STK10: variants seen among roughly 807,000 people sequenced by gnomAD.
STK10 encodes serine/threonine kinase 10.
A neutral mutation model predicts 113.8 loss-of-function variants in STK10; 78 were observed. The observed-to-expected ratio is 0.69, with a 90% CI of 0.57 to 0.83. STK10 has a LOEUF of 0.83. Among genes scored for constraint, STK10 ranks in the 40% least tolerant of loss-of-function variants. STK10 has a pLI of 0.00. For missense variants in STK10, 1,109 were observed against 1,280.1 expected, an observed-to-expected ratio of 0.87 and a Z score of 2.04; for synonymous variants, 465 against 494.7, an observed-to-expected ratio of 0.94 and a Z score of 0.80.
intron 1 of STK10, among the ~76,000 whole-genome samples, chr5:172,165,887 G>A (rs895330051): frequency 6.6e-6 from 1 of 151,686 alleles, no homozygotes; most frequent in Non-Finnish European, 1.5e-5. Flanking sequence ...TCCACCTCCC[G>A]GATTCAAGTG....
chr5:172,148,768 C>T (rs1770142741), intron 2 of STK10, among the ~76,000 whole-genome samples: 1 of 152,236 alleles, frequency 6.6e-6, no homozygotes, highest in Non-Finnish European at 1.5e-5. Context: ...TTCCAGGGGG[C>T]AGGAGAGAAG....
intron 3 of STK10, among the ~76,000 whole-genome samples, chr5:172,124,504 C>T (rs1343010809): frequency 6.6e-6 from 1 of 152,156 alleles, no homozygotes; most frequent in East Asian, 1.9e-4. Flanking sequence ...ATAACATGTG[C>T]CATGTATCCT....
chr5:172,043,074 G>A lies in STK10; in HGVS notation c.*1808C>T, dbSNP rs2113672751. ...AGATCAGCTTGGGCAACATATTAGA[G>A]ACCCTGTCTCAAAGAATTTTTTTTT... On this transcript the variant is annotated 3_prime_UTR_variant, in exon 19 of 19. Transcript: ENST00000176763. 1 of 151,662 alleles carries A rather than the reference G, an allele frequency of 6.6e-6. No individual in the cohort carries two copies. The highest frequency in any genetic ancestry group is 2.1e-4 in the South Asian group (1 of 4,812). The allele number at this position is 151,662 out of a possible 1,614,324, so 9.4% of individuals were successfully genotyped here.
rs576287363 is a variant in STK10 at position 172,143,219 on chromosome 5, A to G, written c.321+13405T>C. On this transcript the variant is annotated intron_variant, in intron 2 of 18. Coordinates refer to ENST00000176763, the MANE Select transcript of STK10 (RefSeq NM_005990.4). Reference sequence around the variant, plus strand: ...TGTCTCTAGTAAAAATACAAAAGTCAGCCAGGTGTGGTGGCACATGTCTAT... The same window carrying G: ...TGTCTCTAGTAAAAATACAAAAGTCGGCCAGGTGTGGTGGCACATGTCTAT... Among the ~76,000 whole-genome samples, 89 of 152,312 alleles carry G rather than the reference A, an allele frequency of 5.8e-4. 1 individual carries two copies. The highest frequency in any genetic ancestry group is 1.9e-3 in the African/African-American group (77 of 41,570).
At chr5:172,067,408 A>G (rs879427504) in intron 12 of STK10, among the ~76,000 whole-genome samples, 15 of 149,466 alleles carry the variant, frequency 1.0e-4, no homozygotes, top group South Asian at 2.1e-4. Context: ...TAAATAAATA[A>G]ATAGAATAAA....
rs144976523 is a variant in STK10, at chr5:172,133,867, C to T, written c.322-6446G>A. Among the ~76,000 whole-genome samples, 2,039 of 152,334 alleles carry T rather than the reference C, an allele frequency of 0.013. 104 individuals carry two copies. Among genetic ancestry groups the T allele is most frequent in the Admixed American group, 0.087 (1,325 of 15,290 alleles). On this transcript the variant is annotated intron_variant, in intron 2 of 18. Coordinates refer to ENST00000176763, the MANE Select transcript of STK10 (RefSeq NM_005990.4). The surrounding 1 kb of genome is among the most constrained non-coding windows in gnomAD (Gnocchi z 4.9). ...GCAGGAGATGATGAGTAACCACACTCTCCAGGTGGCAGACTCCAGGTTGTA... is the reference window on the plus strand; with the variant it reads ...GCAGGAGATGATGAGTAACCACACTTTCCAGGTGGCAGACTCCAGGTTGTA...
At chr5:172,087,166 T>C (rs1256550894) in intron 10 of STK10, among the ~76,000 whole-genome samples, 1 of 134,996 alleles carries the variant, frequency 7.4e-6, no homozygotes, top group Admixed American at 7.1e-5. Context: ...TGTATGCAGA[T>C]ACACTAGTGA....
intron 1 of STK10, among the ~76,000 whole-genome samples, chr5:172,158,069 G>C (rs995639429): frequency 6.6e-6 from 1 of 151,916 alleles, no homozygotes; most frequent in Non-Finnish European, 1.5e-5. Context: ...GGAATAAGAG[G>C]GTAAGAAAAC....
chr5:172,074,827 T>C (rs565790068), intron 12 of STK10, among the ~76,000 whole-genome samples: 1 of 152,274 alleles, frequency 6.6e-6, no homozygotes, highest in African/African-American at 2.4e-5. Context: ...AAGGCCAGCC[T>C]GGCCAACATG....
At chr5:172,048,935 C>G (rs1308216075) in intron 18 of STK10, among the ~76,000 whole-genome samples, 1 of 152,062 alleles carries the variant, frequency 6.6e-6, no homozygotes, top group East Asian at 1.9e-4. Flanking sequence ...CGGGCCTTTG[C>G]AGTTGCTCTT....
At chr5:172,186,543 G>C (rs1163299370) in intron 1 of STK10, among the ~76,000 whole-genome samples, 1 of 151,818 alleles carries the variant, frequency 6.6e-6, no homozygotes, top group African/African-American at 2.4e-5. Flanking sequence ...AATTGCTTGA[G>C]CCCAGGAGGC....
Position 172,150,329 on chromosome 5 carries a change from A to G in STK10, c.321+6295T>C, listed in dbSNP as rs182606832. 3.3e-3 allele frequency among the ~76,000 whole-genome samples: 499 copies of G among 151,544 alleles called. 4 individuals carry two copies. Among genetic ancestry groups the G allele is most frequent in the Non-Finnish European group, 2.6e-3 (174 of 67,818 alleles). Reference sequence around the variant, plus strand: ...AACCCCGTCTCTACTAAAAATACAAAAATTAGCCGGGTGTGGTGGTGCATG... The same window carrying G: ...AACCCCGTCTCTACTAAAAATACAAGAATTAGCCGGGTGTGGTGGTGCATG... On this transcript the variant is annotated intron_variant, in intron 2 of 18. Transcript: ENST00000176763.
chr5:172,088,363 A>C (rs1434578480), intron 10 of STK10, among the ~76,000 whole-genome samples: 1 of 151,992 alleles, frequency 6.6e-6, no homozygotes, highest in African/African-American at 2.4e-5. Flanking sequence ...GTGTGTACTA[A>C]AAATACAAAA....
intron 18 of STK10, 61 bp downstream of exon 18, chr5:172,052,868 A>T (rs546002700): frequency 3.9e-5 from 59 of 1,518,268 alleles, no homozygotes; most frequent in Middle Eastern, 4.5e-4. Context: ...TCCTGGCCAG[A>T]GGCCTGTGCA....
At chr5:172,180,935 G>A (rs1211610777) in intron 1 of STK10, among the ~76,000 whole-genome samples, 1 of 152,226 alleles carries the variant, frequency 6.6e-6, no homozygotes, top group Non-Finnish European at 1.5e-5. Context: ...ACCAGGGAGT[G>A]ATTCTGCTAT....
At chr5:172,078,916 G>C (rs1037439241) in intron 12 of STK10, among the ~76,000 whole-genome samples, 2 of 150,178 alleles carry the variant, frequency 1.3e-5, no homozygotes, top group South Asian at 4.2e-4. Context: ...AACTTCCTCT[G>C]TCGCCTCCTC....
At chr5:172,112,545 C>T (rs1323345974) in intron 4 of STK10, among the ~76,000 whole-genome samples, 1 of 151,162 alleles carries the variant, frequency 6.6e-6, no homozygotes, top group Non-Finnish European at 1.5e-5. Context: ...CTCAGCCTCC[C>T]AAGTAGCTGG....
At chr5:172,068,457 C>G (rs1045966750) in intron 12 of STK10, among the ~76,000 whole-genome samples, 2 of 152,014 alleles carry the variant, frequency 1.3e-5, no homozygotes, top group African/African-American at 4.8e-5. Flanking sequence ...GGAAGAAAGG[C>G]TACATTGGAA....
At chr5:172,151,935 T>A (rs10475570) in intron 2 of STK10, among the ~76,000 whole-genome samples, 1 of 152,102 alleles carries the variant, frequency 6.6e-6, no homozygotes, top group Non-Finnish European at 1.5e-5. Flanking sequence ...TCAGGGCCTG[T>A]GCACTTCTGA....
Sources: allele counts gnomAD v4.1 joint callset (sites outside exome capture counted in the v4.1 genomes callset), GRCh38; gene constraint gnomAD v4.1.1; non-coding constraint Gnocchi (gnomAD v3.1); transcripts MANE v1.5; gene names NCBI Gene and HGNC (gene_info 2026-07-23, HGNC 2026-07-21).